Variants in DLGAP2 observed in about 807,000 individuals in gnomAD.
DLGAP2 encodes DLG associated protein 2, also known as disks large-associated protein 2.
DLGAP2 carries 26 observed loss-of-function variants against 100.3 expected under a neutral mutation model. The observed-to-expected ratio is 0.26, with a 90% CI of 0.19 to 0.36. The LOEUF (loss-of-function observed/expected upper bound fraction) is 0.36, where lower values mean the gene tolerates loss of function less well. DLGAP2 is among the 10% of genes least tolerant of loss of function. The probability of loss-of-function intolerance (pLI) is 1.00; values close to 1 mark genes in which losing one functional copy is unlikely to be tolerated. For missense variants in DLGAP2, 1,858 were observed against 1,453.2 expected, an observed-to-expected ratio of 1.28 and a Z score of -4.53; for synonymous variants, 886 against 630.1, an observed-to-expected ratio of 1.41 and a Z score of -6.08.
At chr8:738,071 G>A (rs1359835593) in intron 1 of DLGAP2, 1 of 277,100 alleles carries the variant, frequency 3.6e-6, no homozygotes, top group Non-Finnish European at 6.7e-6. Flanking sequence ...GCTCGGGGGT[G>A]CCGGGACCCT....
chr8:968,226 A>T (rs564187957), intron 2 of DLGAP2, among the ~76,000 whole-genome samples: 1 of 152,138 alleles, frequency 6.6e-6, no homozygotes, highest in Non-Finnish European at 1.5e-5. Flanking sequence ...TAAAAGGAAG[A>T]TGATTATGAC....
chr8:869,729 G>C lies in DLGAP2; in HGVS notation c.19-38183G>C, dbSNP rs1044731909. Among the ~76,000 whole-genome samples, 26 of 152,222 alleles carry C rather than the reference G, an allele frequency of 1.7e-4. 1 individual carries two copies. On this transcript the variant is annotated intron_variant, in intron 1 of 14. Coordinates refer to ENST00000637795, the MANE Select transcript of DLGAP2 (RefSeq NM_001346810.2). ...CGGGGATCAGGAAGTGCTTGGGAGA[G>C]AACCCGTGATATTTTGGCAAGCCTG...
chr8:919,115 T>C (rs1000289032), intron 2 of DLGAP2, among the ~76,000 whole-genome samples: 3 of 152,196 alleles, frequency 2.0e-5, no homozygotes, highest in Non-Finnish European at 2.9e-5. Flanking sequence ...CAAAAAGCTT[T>C]GCTCTATTTT....
At chr8:1,133,694 A>T (rs1369144217) in intron 2 of DLGAP2, among the ~76,000 whole-genome samples, 2 of 152,238 alleles carry the variant, frequency 1.3e-5, no homozygotes, top group African/African-American at 4.8e-5. Flanking sequence ...AATTCATATT[A>T]ATATTAATCA....
intron 4 of DLGAP2, among the ~76,000 whole-genome samples, chr8:1,518,655 G>A (rs1800481074): frequency 6.6e-6 from 1 of 152,100 alleles, no homozygotes; most frequent in African/African-American, 2.4e-5. Flanking sequence ...TATAAATTTG[G>A]TTCTCCCTGC....
At chr8:1,530,270 T>A (rs900860481) in intron 4 of DLGAP2, among the ~76,000 whole-genome samples, 2 of 152,160 alleles carry the variant, frequency 1.3e-5, no homozygotes, top group Non-Finnish European at 2.9e-5. Flanking sequence ...GCACGTATTC[T>A]CTTTCCCAGG....
intron 2 of DLGAP2, among the ~76,000 whole-genome samples, chr8:1,027,091 A>G (rs1382282497): frequency 6.6e-6 from 1 of 152,136 alleles, no homozygotes. Flanking sequence ...TATTTCTAGT[A>G]TTTAGGGAAG....
chr8:1,677,402 G>A (rs1220785773), intron 11 of DLGAP2, among the ~76,000 whole-genome samples: 1 of 152,186 alleles, frequency 6.6e-6, no homozygotes, highest in East Asian at 1.9e-4. Context: ...TGTGCCCCCA[G>A]CAAAGGGAAC....
At chr8:1,271,378 G>A (rs1220968171) in intron 3 of DLGAP2, among the ~76,000 whole-genome samples, 1 of 152,068 alleles carries the variant, frequency 6.6e-6, no homozygotes, top group Non-Finnish European at 1.5e-5. Flanking sequence ...GCACACACTG[G>A]GGACATAGTG....
At chr8:847,560 G>A (rs1312908267) in intron 1 of DLGAP2, among the ~76,000 whole-genome samples, 1 of 151,984 alleles carries the variant, frequency 6.6e-6, no homozygotes, top group Non-Finnish European at 1.5e-5. Context: ...AGGCTGGAGT[G>A]CAAGTGGAAT....
intron 1 of DLGAP2, among the ~76,000 whole-genome samples, chr8:881,405 C>G (rs1039591604): frequency 6.6e-6 from 1 of 150,598 alleles, no homozygotes; most frequent in Non-Finnish European, 1.5e-5. Context: ...GTTTTGGAAA[C>G]AAAATTACAA....
At chr8:1,533,198 T>C (rs1010895214) in intron 4 of DLGAP2, among the ~76,000 whole-genome samples, 6 of 151,952 alleles carry the variant, frequency 3.9e-5, no homozygotes, top group African/African-American at 9.7e-5. Flanking sequence ...TATCATTTGA[T>C]TTTTAGAATA....
chr8:976,479 G>A (rs928700328), intron 2 of DLGAP2, among the ~76,000 whole-genome samples: 3 of 152,170 alleles, frequency 2.0e-5, no homozygotes, highest in African/African-American at 7.2e-5. Flanking sequence ...GGGCGTGGTG[G>A]CAGGTGCCTG....
At chr8:757,163 C>A (rs1002289575) in intron 1 of DLGAP2, among the ~76,000 whole-genome samples, 1 of 152,172 alleles carries the variant, frequency 6.6e-6, no homozygotes, top group African/African-American at 2.4e-5. Flanking sequence ...CCTTTGCCAT[C>A]TAACTCCCTT....
intron 2 of DLGAP2, among the ~76,000 whole-genome samples, chr8:1,152,745 C>T (rs977404165): frequency 1.3e-5 from 2 of 152,202 alleles, no homozygotes; most frequent in Non-Finnish European, 2.9e-5. Flanking sequence ...TCAGCTTCCT[C>T]CCAGATGCTG....
intron 12 of DLGAP2, among the ~76,000 whole-genome samples, chr8:1,684,438 T>C (rs1799060350): frequency 6.6e-6 from 1 of 152,070 alleles, no homozygotes; most frequent in Non-Finnish European, 1.5e-5. Flanking sequence ...GGTTATTGGT[T>C]ATGGTACTTT....
intron 3 of DLGAP2, among the ~76,000 whole-genome samples, chr8:1,305,020 G>T (rs527703085): frequency 1.3e-5 from 2 of 152,318 alleles, no homozygotes; most frequent in African/African-American, 4.8e-5. Flanking sequence ...TATCATACAT[G>T]GTTTCCACCA....
intron 2 of DLGAP2, among the ~76,000 whole-genome samples, chr8:1,112,821 G>T (rs1441909094): frequency 1.3e-5 from 2 of 152,144 alleles, no homozygotes; most frequent in Non-Finnish European, 2.9e-5. Context: ...GTCTCCCAGG[G>T]TTTTTATAAT....
At chr8:1,283,366 C>G (rs536545047) in intron 3 of DLGAP2, among the ~76,000 whole-genome samples, 1 of 152,374 alleles carries the variant, frequency 6.6e-6, no homozygotes, top group East Asian at 1.9e-4. Flanking sequence ...TTCGTCCCCT[C>G]AATGGCGCCC....
Sources: allele counts gnomAD v4.1 joint callset (sites outside exome capture counted in the v4.1 genomes callset), GRCh38; gene constraint gnomAD v4.1.1; transcripts MANE v1.5; gene names NCBI Gene and HGNC (gene_info 2026-07-23, HGNC 2026-07-21).